Variants in TENM2 observed in about 807,000 individuals in gnomAD.
TENM2 encodes the protein teneurin transmembrane protein 2, also known as teneurin-2.
TENM2 carries 52 observed loss-of-function variants against 245.2 expected under a neutral mutation model. The observed-to-expected ratio is 0.21, with a 90% CI of 0.17 to 0.27. The LOEUF is 0.27. Ranked by LOEUF, TENM2 falls within the 10% of genes least tolerant of loss-of-function variation. The pLI, the probability that TENM2 is intolerant of heterozygous loss-of-function variation, is 1.00. For synonymous variants in TENM2, 1,363 were observed against 1,438.9 expected, an observed-to-expected ratio of 0.95 and a Z score of 1.19; for missense variants, 3,046 against 3,666.8, an observed-to-expected ratio of 0.83 and a Z score of 4.37.
At chr5:168,237,218 A>G (rs900684068) in intron 25 of TENM2, among the ~76,000 whole-genome samples, 4 of 148,888 alleles carry the variant, frequency 2.7e-5, no homozygotes, top group African/African-American at 9.9e-5. Flanking sequence ...GGGTTTCATC[A>G]TGTTGACCAG....
At chr5:167,628,004 T>C (rs1778622045) in intron 2 of TENM2, among the ~76,000 whole-genome samples, 1 of 152,214 alleles carries the variant, frequency 6.6e-6, no homozygotes, top group African/African-American at 2.4e-5. Flanking sequence ...TAAAGAACTT[T>C]ACGGTAGAAC....
intron 2 of TENM2, among the ~76,000 whole-genome samples, chr5:167,685,731 T>C (rs1757031468): frequency 6.6e-6 from 1 of 152,224 alleles, no homozygotes; most frequent in South Asian, 2.1e-4. Context: ...TGATATATGA[T>C]AGTCTGTGGT....
the TENM2 span, among the ~76,000 whole-genome samples, chr5:167,183,009 T>C: frequency 7.2e-5 from 11 of 152,186 alleles, no homozygotes; most frequent in African/African-American, 2.7e-4. Context: ...TTTCCTTAGG[T>C]CTTAATTTAT....
chr5:168,196,820 C>T (rs1015931648), intron 15 of TENM2, among the ~76,000 whole-genome samples: 15 of 152,222 alleles, frequency 9.9e-5, no homozygotes, highest in East Asian at 3.8e-4. Flanking sequence ...CATGAAACAA[C>T]AGAAGGAGAC....
At chr5:167,162,855 C>A in the TENM2 span, among the ~76,000 whole-genome samples, 4 of 152,280 alleles carry the variant, frequency 2.6e-5, no homozygotes, top group South Asian at 8.3e-4. Context: ...TGAATTATTT[C>A]AACCTGTTGA....
At chr5:167,040,804 C>A in the TENM2 span, among the ~76,000 whole-genome samples, 1 of 152,116 alleles carries the variant, frequency 6.6e-6, no homozygotes, top group South Asian at 2.1e-4. Context: ...TTTAATGAAT[C>A]TTTGAAATAA....
chr5:167,427,297 A>G (rs1582011957), intron 2 of TENM2, among the ~76,000 whole-genome samples: 1 of 152,244 alleles, frequency 6.6e-6, no homozygotes, highest in East Asian at 1.9e-4. Context: ...TACTAATGAT[A>G]CAAAAATTAG....
At chr5:167,835,115 A>G (rs1038712146) in intron 2 of TENM2, among the ~76,000 whole-genome samples, 1 of 152,218 alleles carries the variant, frequency 6.6e-6, no homozygotes, top group Non-Finnish European at 1.5e-5. Context: ...GGTTATAAAA[A>G]TGCCCACATC....
At chr5:167,974,973 C>T (rs1387448152) in intron 4 of TENM2, among the ~76,000 whole-genome samples, 1 of 152,206 alleles carries the variant, frequency 6.6e-6, no homozygotes, top group African/African-American at 2.4e-5. Context: ...AGAAAGGATC[C>T]CAGTTCAAGT....
At chr5:168,047,034 C>T (rs1788665245) in intron 5 of TENM2, among the ~76,000 whole-genome samples, 1 of 152,104 alleles carries the variant, frequency 6.6e-6, no homozygotes, top group African/African-American at 2.4e-5. Context: ...TTGTCAATGC[C>T]CCTAGACTAA....
At chr5:167,277,256 A>G in the TENM2 span, among the ~76,000 whole-genome samples, 4 of 151,918 alleles carry the variant, frequency 2.6e-5, no homozygotes, top group Non-Finnish European at 5.9e-5. Flanking sequence ...TACTTCTATA[A>G]CCTTCCCTTT....
chr5:167,051,572 C>G, the TENM2 span, among the ~76,000 whole-genome samples: 1 of 152,158 alleles, frequency 6.6e-6, no homozygotes, highest in African/African-American at 2.4e-5. Flanking sequence ...AAACTCTATT[C>G]GCATTCTCTT....
chr5:167,887,630 T>A (rs997455020), intron 3 of TENM2, among the ~76,000 whole-genome samples: 7 of 152,348 alleles, frequency 4.6e-5, no homozygotes, highest in Non-Finnish European at 8.8e-5. Context: ...TCTTTCTTCA[T>A]TTGTTTAGTA....
At chr5:167,984,038 A>C (rs572569688) in intron 4 of TENM2, among the ~76,000 whole-genome samples, 13 of 152,154 alleles carry the variant, frequency 8.5e-5, no homozygotes, top group African/African-American at 2.9e-4. Flanking sequence ...TCACGAATAA[A>C]CTCACCCAAT....
chr5:168,046,216 G>A (rs1788593636), intron 5 of TENM2, among the ~76,000 whole-genome samples: 1 of 152,168 alleles, frequency 6.6e-6, no homozygotes, highest in South Asian at 2.1e-4. Flanking sequence ...TAATTGCTGT[G>A]TGAACAATTT....
intron 2 of TENM2, among the ~76,000 whole-genome samples, chr5:167,679,688 A>C (rs1464045840): frequency 6.6e-6 from 1 of 152,196 alleles, no homozygotes; most frequent in Admixed American, 6.6e-5. Context: ...AGAAATTGAT[A>C]CTTTGGCATT....
chr5:167,741,038 C>T (rs1761143026), intron 2 of TENM2, among the ~76,000 whole-genome samples: 1 of 152,210 alleles, frequency 6.6e-6, no homozygotes. Flanking sequence ...CTTTGTTGTA[C>T]ACTCTTTCCC....
At chr5:168,073,536 C>T (rs150898073) in intron 7 of TENM2, among the ~76,000 whole-genome samples, 44 of 152,300 alleles carry the variant, frequency 2.9e-4, no homozygotes, top group Admixed American at 5.2e-4. Flanking sequence ...GAACACGCTC[C>T]GACAGAGCAA....
At chr5:167,212,875 G>A in the TENM2 span, among the ~76,000 whole-genome samples, 1 of 152,138 alleles carries the variant, frequency 6.6e-6, no homozygotes, top group South Asian at 2.1e-4. Flanking sequence ...AGAGCTGGGG[G>A]ATTTACATCT....
Sources: allele counts gnomAD v4.1 joint callset (sites outside exome capture counted in the v4.1 genomes callset), GRCh38; gene constraint gnomAD v4.1.1; transcripts MANE v1.5; gene names NCBI Gene and HGNC (gene_info 2026-07-23, HGNC 2026-07-21).